Variants in ERCC6 observed in about 807,000 individuals in gnomAD.
ERCC6 encodes ERCC excision repair 6, chromatin remodeling factor, also known as DNA excision repair protein ERCC-6.
In ERCC6, 116 loss-of-function variants were observed where a neutral mutation model predicts 158.7. The observed-to-expected ratio is 0.73, with a 90% confidence interval of 0.63 to 0.85. The LOEUF (loss-of-function observed/expected upper bound fraction) is 0.85, where lower values mean the gene tolerates loss of function less well. ERCC6 is among the 40% of genes least tolerant of loss of function. The probability of loss-of-function intolerance (pLI) is 0.00; values close to 1 mark genes in which losing one functional copy is unlikely to be tolerated. For missense variants in ERCC6, 1,698 were observed against 1,799.4 expected (o/e 0.94, Z 1.02); for synonymous variants, 678 against 659.3 (o/e 1.03, Z -0.43).
chr10:49,532,686 C>G lies in ERCC6; in HGVS notation c.279G>C (p.Gln93His), dbSNP rs1273977026. The part of the protein sequence containing the change: ...VEPSAQALEL[Q>H]GLGVDVYDQD... The stretch of plus-strand genomic sequence containing the variant: ...GGTCATAGACGTCCACACCCAAACC[C>G]TGCAGCTCAAGGGCCTGGGCGCTAG... The change falls in exon 2 of 21, where the codon CAG becomes CAC. Residue 93 changes from glutamine (Q) to histidine (H), a missense_variant. Coordinates refer to ENST00000355832, the MANE Select transcript of ERCC6 (RefSeq NM_000124.4). 1 of 1,614,224 alleles carries G rather than the reference C, an allele frequency of 6.2e-7. No homozygotes were observed. Among genetic ancestry groups the G allele is most frequent in the Non-Finnish European group, 8.5e-7 (1 of 1,180,048 alleles).
rs115162931 is a variant in ERCC6, at chr10:49,516,270, C to T, written c.1397+7763G>A. ...GGGCTTTCCCCGAATAAATTGTTTG[C>T]ACCCGTGACGACCAAAATAAGGAAC... On this transcript the variant is annotated intron_variant, in intron 5 of 20. Transcript: ENST00000355832. 8.9e-4 allele frequency: 1,430 copies of T among 1,614,140 alleles called. 10 individuals carry two copies. In the African/African-American group the frequency reaches 0.015, roughly 17 times the overall value.
chr10:49,512,429 AGT>A (rs1836837235), intron 5 of ERCC6, among the ~76,000 whole-genome samples: 1 of 152,182 alleles, frequency 6.6e-6, no homozygotes. Flanking sequence ...AGTGCCCCCT[AGT>A]GTGTTCAAAG....
At chr10:49,533,386 GA>G (rs1251525431) in intron 1 of ERCC6, among the ~76,000 whole-genome samples, 1 of 152,170 alleles carries the variant, frequency 6.6e-6, no homozygotes, top group Non-Finnish European at 1.5e-5. Context: ...TAATGCATAG[GA>G]ACAGCGATGT....
downstream of ERCC6, among the ~76,000 whole-genome samples, chr10:49,451,093 G>A (rs576373984): frequency 1.4e-4 from 21 of 151,932 alleles, no homozygotes; most frequent in African/African-American, 5.1e-4. Flanking sequence ...TTACAGGCGT[G>A]AGCCACCATG....
chr10:49,452,708 T>C (rs1015025352), downstream of ERCC6, among the ~76,000 whole-genome samples: 1 of 152,160 alleles, frequency 6.6e-6, no homozygotes, highest in Non-Finnish European at 1.5e-5. Context: ...ACCATTTTCT[T>C]CTTCCATTTC....
intron 16 of ERCC6, 29 bp downstream of exon 16, chr10:49,472,347 A>C (rs1165761575): frequency 2.5e-6 from 4 of 1,598,702 alleles, no homozygotes; most frequent in Non-Finnish European, 3.4e-6. Context: ...GGGAACGCAC[A>C]GCCAAGAGTG....
In ERCC6 at chr10:49,470,760, G is replaced by A; in HGVS notation, c.3200C>T (p.Thr1067Ile). Residue 1067 changes from threonine (T) to isoleucine (I), a missense_variant, in exon 18 of 21, where the codon ACA (threonine) becomes ATA (isoleucine). Thr to Ile is a moderately conservative substitution (Grantham distance 89). Coordinates refer to ENST00000355832, the MANE Select transcript of ERCC6 (RefSeq NM_000124.4). ...PASNISVNDATSSEEKSEAKG... is the reference protein window; with the variant it reads ...PASNISVNDAISSEEKSEAKG... Reference sequence around the variant, plus strand: ...AGCCTCAGATTTCTCTTCAGATGATGTGGCATCATTTACAGATATGTTAGA... The same window carrying A: ...AGCCTCAGATTTCTCTTCAGATGATATGGCATCATTTACAGATATGTTAGA... The A allele has an allele frequency of 6.2e-7, 1 of 1,614,134 alleles. No homozygotes were observed. Among genetic ancestry groups the A allele is most frequent in the Non-Finnish European group, 8.5e-7 (1 of 1,180,036 alleles).
intron 2 of ERCC6, 147 bp downstream of exon 2, chr10:49,532,396 T>C: frequency 1.6e-6 from 2 of 1,276,620 alleles, no homozygotes; most frequent in East Asian, 5.0e-5. Context: ...AAAGATGAGG[T>C]TGAGGACTGC....
At chr10:49,494,522 C>CT in intron 7 of ERCC6, among the ~76,000 whole-genome samples, 1 of 152,262 alleles carries the variant, frequency 6.6e-6, no homozygotes, top group East Asian at 1.9e-4. Flanking sequence ...ATGCATTCCC[C>CT]TCTCCCTTTT....
At position 49,474,018 on chromosome 10, in the gene ERCC6, T is replaced by G. The variant is rs1350196442; in HGVS notation, c.2598+9A>C. 1 of 1,612,652 alleles carries G rather than the reference T, an allele frequency of 6.2e-7. No homozygotes were observed. The highest frequency in any genetic ancestry group is 1.1e-5 in the South Asian group (1 of 91,054). On this transcript the variant is annotated intron_variant, in intron 13 of 20. Transcript: ENST00000355832. ...CAGCCTGTTTCCCGTCTGAAGTCTG[T>G]GCACTCACCTGCCTTGACTGAGAAA...
intron 7 of ERCC6, among the ~76,000 whole-genome samples, chr10:49,498,828 G>T (rs184298976): frequency 1.3e-5 from 2 of 152,246 alleles, no homozygotes; most frequent in Admixed American, 1.3e-4. Flanking sequence ...CTCCACATAA[G>T]TGTGATGATA....
Position 49,493,130 on chromosome 10 carries a change from T to C in ERCC6, c.1808A>G (p.Tyr603Cys), listed in dbSNP as rs972879270. ...RVAILHETGSYTHKKEKLIRD... is the reference protein window; with the variant it reads ...RVAILHETGSCTHKKEKLIRD... ...ATATTGTGTTACCTTTTTGTGGGTATAGGAACCGGTTTCATGTAGAATTGC... is the reference window on the plus strand; with the variant it reads ...ATATTGTGTTACCTTTTTGTGGGTACAGGAACCGGTTTCATGTAGAATTGC... Residue 603 changes from tyrosine to cysteine, a missense_variant, in exon 8 of 21, where the codon TAT (tyrosine) becomes TGT (cysteine). By Grantham distance (194) the Tyr-to-Cys change is radical. Transcript: ENST00000355832. 4 of 1,614,128 alleles carry C rather than the reference T, an allele frequency of 2.5e-6. No individual in the cohort carries two copies. The highest frequency in any genetic ancestry group is 2.2e-5 in the South Asian group (2 of 91,078).
rs1850483147 is a variant in ERCC6, at chr10:49,456,323, G to A, written c.*2492C>T. 1 of 152,224 alleles carries A rather than the reference G, an allele frequency of 6.6e-6. No homozygotes were observed. Among genetic ancestry groups the A allele is most frequent in the African/African-American group, 2.4e-5 (1 of 41,454 alleles). The allele number at this position is 152,224 out of a possible 1,614,324, so 9.4% of individuals were successfully genotyped here. Reference sequence around the variant, plus strand: ...GCCAGCAAGAAAGGGGAATGTCAAGGAGAGTGCATACCCTGCTTCTTTAAA... The same window carrying A: ...GCCAGCAAGAAAGGGGAATGTCAAGAAGAGTGCATACCCTGCTTCTTTAAA... On this transcript the variant is annotated 3_prime_UTR_variant, in exon 21 of 21. Coordinates refer to ENST00000355832, the MANE Select transcript of ERCC6 (RefSeq NM_000124.4).
At position 49,470,579 on chromosome 10, in the gene ERCC6, C is replaced by A; in HGVS notation, c.3381G>T (p.Gly1127=). 6.2e-7 allele frequency: 1 copy of A among 1,614,046 alleles called. No individual in the cohort carries two copies. Among genetic ancestry groups the A allele is most frequent in the Non-Finnish European group, 8.5e-7 (1 of 1,179,978 alleles). ...CTGTTCCTGAAGAATTTGAACATTC[C>A]CCATTTCCACTAATCACTGACAACT... ...PEELSVISGN[G]ECSNSSGTGK... The change falls in exon 18 of 21, where the codon GGG becomes GGT. Residue 1127 remains glycine, a synonymous_variant. Coordinates refer to ENST00000355832, the MANE Select transcript of ERCC6 (RefSeq NM_000124.4).
At position 49,528,437 on chromosome 10, in the gene ERCC6, G is replaced by A. The variant is rs749319221; in HGVS notation, c.632C>T (p.Ala211Val). 1.2e-5 allele frequency: 20 copies of A among 1,614,024 alleles called. No individual in the cohort carries two copies. The African/African-American group carries it at 2.0e-4, about 16-fold the overall frequency. The part of the protein sequence containing the change: ...GAEVKIELDH[A>V]SLEEDAEPGP... Reference sequence around the variant, plus strand: ...CTCACCTGCATCCTCCTCCAGACTGGCGTGATCTAGTTCAATTTTCACCTC... The same window carrying A: ...CTCACCTGCATCCTCCTCCAGACTGACGTGATCTAGTTCAATTTTCACCTC... Residue 211 changes from alanine to valine, a missense_variant, in exon 4 of 21, where the codon GCC (alanine) becomes GTC (valine). Coordinates refer to ENST00000355832, the MANE Select transcript of ERCC6 (RefSeq NM_000124.4).
At chr10:49,485,018 T>C (rs1407349368) in intron 8 of ERCC6, among the ~76,000 whole-genome samples, 1 of 152,220 alleles carries the variant, frequency 6.6e-6, no homozygotes, top group Non-Finnish European at 1.5e-5. Flanking sequence ...ACTTGGAAGA[T>C]CAGTCACCAA....
rs114093805 is a variant in ERCC6, at chr10:49,472,995, G to A, written c.2743C>T (p.Arg915Trp). Residue 915 changes from arginine to tryptophan, a missense_variant, in exon 15 of 21, where the codon CGG becomes TGG. Physicochemically the swap from Arg to Trp is moderately radical, Grantham distance 101. Transcript: ENST00000355832. ...AGGTTGACACCTAAGCCGCCCACCCGCGTGGTCAGAAGAAACACAAATATG... is the reference window on the plus strand; with the variant it reads ...AGGTTGACACCTAAGCCGCCCACCCACGTGGTCAGAAGAAACACAAATATG... ...TSIFVFLLTTRVGGLGVNLTG... is the reference protein window; with the variant it reads ...TSIFVFLLTTWVGGLGVNLTG... 25 of 1,614,034 alleles carry A rather than the reference G, an allele frequency of 1.5e-5. No individual in the cohort carries two copies. Among genetic ancestry groups the A allele is most frequent in the Middle Eastern group, 1.6e-4 (1 of 6,062 alleles).
In ERCC6 at chr10:49,478,554, T is replaced by TA. The variant is rs369906037; in HGVS notation, c.2170-85dup. The TA allele has an allele frequency of 0.087, 56,298 of 644,846 alleles. 90 individuals carry two copies. Among genetic ancestry groups the TA allele is most frequent in the East Asian group, 0.1 (3,286 of 32,302 alleles). 39.9% of individuals were successfully genotyped at this position (644,846 alleles called of 1,614,324 possible). The stretch of plus-strand genomic sequence containing the variant: ...TTACCTCTCAATTGCTTCCATTCCT[T>TA]AAAAAAAAAAAAAGAATAACCAACA... On this transcript the variant is annotated intron_variant, in intron 10 of 20. Transcript: ENST00000355832.
chr10:49,466,568 A>C (rs1698100696), intron 18 of ERCC6, among the ~76,000 whole-genome samples: 1 of 152,368 alleles, frequency 6.6e-6, no homozygotes, highest in Middle Eastern at 3.4e-3. Flanking sequence ...CTATCACTAC[A>C]ATCAAGACAA....
Sources: gnomAD v4.1 joint callset for allele counts (sites outside exome capture counted in the v4.1 genomes callset) on GRCh38, gnomAD v4.1.1 for gene constraint, MANE v1.5 for transcripts, NCBI Gene and HGNC (gene_info 2026-07-23, HGNC 2026-07-21) for gene names.